The following SLC71A2 variants were observed in gnomAD, a reference collection of about 807,000 sequenced individuals.
SLC71A2 encodes solute carrier family 71 member 2.
At chr9:94,408,431 G>T in the SLC71A2 span, among the ~76,000 whole-genome samples, 1 of 152,184 alleles carries the variant, frequency 6.6e-6, no homozygotes, top group African/African-American at 2.4e-5. Context: ...TTCAAAGAGT[G>T]AGTTAGAAAG....
the SLC71A2 span, among the ~76,000 whole-genome samples, chr9:94,431,151 A>G: frequency 1.3e-5 from 2 of 152,104 alleles, no homozygotes; most frequent in African/African-American, 4.8e-5. Context: ...ATCTCTACCA[A>G]AAATACAAAA....
the SLC71A2 span, among the ~76,000 whole-genome samples, chr9:94,437,688 G>A: frequency 4.8e-5 from 7 of 145,594 alleles, no homozygotes; most frequent in African/African-American, 1.8e-4. Flanking sequence ...CATTCATTTG[G>A]GTGTCATTGT....
At chr9:94,391,108 A>G in the SLC71A2 span, among the ~76,000 whole-genome samples, 1 of 150,466 alleles carries the variant, frequency 6.6e-6, no homozygotes, top group African/African-American at 2.4e-5. Context: ...TGGATGTGGT[A>G]GCTCACACCT....
the SLC71A2 span, among the ~76,000 whole-genome samples, chr9:94,421,994 G>C: frequency 6.6e-6 from 1 of 152,042 alleles, no homozygotes; most frequent in Admixed American, 6.6e-5. Flanking sequence ...GCTCACAGCA[G>C]CTCCGCCTCC....
the SLC71A2 span, among the ~76,000 whole-genome samples, chr9:94,383,159 A>ATTT: frequency 1.6e-4 from 15 of 91,692 alleles, no homozygotes; most frequent in East Asian, 3.7e-4. Context: ...TAGCTTTTAC[A>ATTT]TCTTTTTTTT....
the SLC71A2 span, chr9:94,445,234 G>C: frequency 2.1e-6 from 3 of 1,431,010 alleles, no homozygotes; most frequent in Non-Finnish European, 2.9e-6. Flanking sequence ...TCTAAGCCAA[G>C]CAAATGAAAG....
the SLC71A2 span, among the ~76,000 whole-genome samples, chr9:94,430,223 A>C: frequency 9.8e-6 from 1 of 102,490 alleles, no homozygotes. Flanking sequence ...CTTTTAAATA[A>C]TTTTTTTTTT....
chr9:94,379,089 CTTTT>C, the SLC71A2 span, among the ~76,000 whole-genome samples: 872 of 83,262 alleles, frequency 0.01, 7 homozygotes, highest in African/African-American at 0.02. Context: ...TGTGCATTTC[CTTTT>C]TTTTTTTTTT....
At chr9:94,428,598 C>G in the SLC71A2 span, among the ~76,000 whole-genome samples, 23 of 145,212 alleles carry the variant, frequency 1.6e-4, 1 homozygote, top group South Asian at 4.0e-3. Flanking sequence ...ATACCCCCCC[C>G]CCTTTTTTTT....
the SLC71A2 span, chr9:94,446,815 A>C: frequency 6.8e-7 from 1 of 1,476,338 alleles, no homozygotes; most frequent in Non-Finnish European, 9.5e-7. Flanking sequence ...CTTTCTGCTT[A>C]TTCTCAGTCG....
At chr9:94,457,300 C>G in the SLC71A2 span, among the ~76,000 whole-genome samples, 1 of 152,128 alleles carries the variant, frequency 6.6e-6, no homozygotes, top group Admixed American at 6.6e-5. Flanking sequence ...TAGATTTAAT[C>G]TCTTTCCTTC....
chr9:94,459,512 G>C, the SLC71A2 span: 1 of 1,287,192 alleles, frequency 7.8e-7, no homozygotes, highest in Non-Finnish European at 1.1e-6. Context: ...GACGCTAGCG[G>C]CATCCTTCAG....
At chr9:94,383,307 C>T in the SLC71A2 span, among the ~76,000 whole-genome samples, 1 of 151,652 alleles carries the variant, frequency 6.6e-6, no homozygotes. Context: ...GGATTACAGG[C>T]GCACGCCACC....
the SLC71A2 span, chr9:94,451,516 A>T: frequency 6.4e-7 from 1 of 1,559,842 alleles, no homozygotes; most frequent in Non-Finnish European, 8.7e-7. Context: ...AATTCTGTCT[A>T]TTGTGGCTCA....
the SLC71A2 span, among the ~76,000 whole-genome samples, chr9:94,395,647 G>C: frequency 1.3e-5 from 2 of 152,134 alleles, no homozygotes; most frequent in Admixed American, 6.6e-5. Context: ...AAACTGTTTT[G>C]TTATGCGTCC....
the SLC71A2 span, among the ~76,000 whole-genome samples, chr9:94,442,529 A>T: frequency 1.3e-5 from 2 of 152,146 alleles, no homozygotes; most frequent in Non-Finnish European, 2.9e-5. Flanking sequence ...CGAAGAAGAC[A>T]AGATTTGGAG....
chr9:94,401,959 C>T, the SLC71A2 span, among the ~76,000 whole-genome samples: 1 of 152,154 alleles, frequency 6.6e-6, no homozygotes. Context: ...CCTTTTAGAC[C>T]TATAGGGTAA....
chr9:94,449,558 C>A, the SLC71A2 span, among the ~76,000 whole-genome samples: 6 of 152,186 alleles, frequency 3.9e-5, no homozygotes, highest in Admixed American at 2.0e-4. Context: ...TTCACATGTT[C>A]TAGGATGGCT....
the SLC71A2 span, among the ~76,000 whole-genome samples, chr9:94,392,146 C>T: frequency 6.6e-6 from 1 of 150,918 alleles, no homozygotes; most frequent in Non-Finnish European, 1.5e-5. Flanking sequence ...GTAGTGTCAA[C>T]TGAGCCCATA....
Sources: gnomAD v4.1 joint callset for allele counts (sites outside exome capture counted in the v4.1 genomes callset) on GRCh38, gnomAD v4.1.1 for gene constraint, MANE v1.5 for transcripts, NCBI Gene and HGNC (gene_info 2026-07-23, HGNC 2026-07-21) for gene names.